SENP6: variants seen among roughly 807,000 people sequenced by gnomAD.
SENP6 encodes SUMO specific peptidase 6.
In SENP6, 41 loss-of-function variants were observed where a neutral mutation model predicts 134.5. That is an observed-to-expected ratio of 0.30 (90% CI 0.24 to 0.40). SENP6 has a LOEUF of 0.40. Among genes scored for constraint, SENP6 ranks in the 10% least tolerant of loss-of-function variants. The pLI is 1.00. For synonymous variants in SENP6, 395 were observed against 429.8 expected, an observed-to-expected ratio of 0.92 and a Z score of 1.00; for missense variants, 1,248 against 1,312.5, an observed-to-expected ratio of 0.95 and a Z score of 0.76.
chr6:75,623,933 G>T lies in SENP6; in HGVS notation c.180G>T (p.Glu60Asp). 2 of 1,608,574 alleles carry T rather than the reference G, an allele frequency of 1.2e-6. No individual in the cohort carries two copies. The highest frequency in any genetic ancestry group is 1.1e-5 in the South Asian group (1 of 90,042). The change falls in exon 3 of 24, where the codon GAG (glutamate) becomes GAT (aspartate). Residue 60 changes from glutamate (E) to aspartate (D), a missense_variant. By Grantham distance (45) the Glu-to-Asp change is conservative. Transcript: ENST00000447266. ...ATCTGCTCAGTGTGGATGAAGATGA[G>T]GATTCTGAAACCTCAAAAGGAAAAA... ...GTNLLSVDED[E>D]DSETSKGKKL... is the part of the protein sequence containing the mutation.
In SENP6 at chr6:75,703,000, C is replaced by T; in HGVS notation, c.2644C>T (p.Gln882Ter). The change falls in exon 19 of 24, where the codon CAG (glutamine) becomes TAG (stop). Residue 882 changes from glutamine (Q) to a stop codon, truncating the protein, a stop_gained. Transcript: ENST00000447266. LOFTEE classifies it high-confidence loss of function. ...ATTCAATAAAGGAGAATCTACATCC[C>T]AGAAAGTTGCTGATAGGACTAAAAG... ...EEFNKGESTSQKVADRTKSEN... is the reference protein window; with the variant it reads ...EEFNKGESTS 6.2e-7 allele frequency: 1 copy of T among 1,613,778 alleles called. No homozygotes were observed. Among genetic ancestry groups the T allele is most frequent in the Non-Finnish European group, 8.5e-7 (1 of 1,179,886 alleles).
intron 7 of SENP6, among the ~76,000 whole-genome samples, chr6:75,657,334 G>A (rs886821521): frequency 6.6e-6 from 1 of 152,034 alleles, no homozygotes; most frequent in Non-Finnish European, 1.5e-5. Context: ...AAGTAACTTA[G>A]CCTTCATAAA....
intron 7 of SENP6, among the ~76,000 whole-genome samples, chr6:75,651,544 GT>G (rs1213279942): frequency 6.6e-6 from 1 of 152,048 alleles, no homozygotes; most frequent in African/African-American, 2.4e-5. Flanking sequence ...TAGAGATAAG[GT>G]TTCACCGTGT....
At chr6:75,678,771 A>C (rs766658206) in intron 15 of SENP6, 40 bp from the exon 16 acceptor site, 14 of 1,382,508 alleles carry the variant, frequency 1.0e-5, no homozygotes, top group Non-Finnish European at 1.4e-5. Flanking sequence ...GTATATATAT[A>C]TAGATTTGTT....
rs1257728301 is a variant in SENP6 at position 75,717,017 on chromosome 6, T to C, written c.*1423T>C. The C allele has an allele frequency of 2.0e-5, 3 of 151,978 alleles. No homozygotes were observed. Among genetic ancestry groups the C allele is most frequent in the Non-Finnish European group, 2.9e-5 (2 of 67,858 alleles). 9.4% of individuals were successfully genotyped at this position (151,978 alleles called of 1,614,324 possible). A position where few individuals can be genotyped will look rare whatever the true frequency, so the allele number is the denominator to read the frequency against. ...AGTAGAGTCTCAGTAAGAGAAATAT[T>C]AAAATGTAAGAAAGGTCACCATTAG... On this transcript the variant is annotated 3_prime_UTR_variant, in exon 24 of 24. Transcript: ENST00000447266.
intron 5 of SENP6, among the ~76,000 whole-genome samples, chr6:75,639,581 A>T (rs1018640448): frequency 3.9e-5 from 6 of 152,076 alleles, no homozygotes; most frequent in Non-Finnish European, 8.8e-5. Context: ...TTCCTTTTAT[A>T]ATAAGGATAA....
intron 1 of SENP6, among the ~76,000 whole-genome samples, chr6:75,604,119 G>C (rs1218770806): frequency 6.6e-6 from 1 of 152,118 alleles, no homozygotes; most frequent in African/African-American, 2.4e-5. Context: ...GCTTCTATAG[G>C]CCCGATTGAG....
chr6:75,621,519 G>T lies in SENP6; in HGVS notation c.53-13G>T. 2 of 1,535,814 alleles carry T rather than the reference G, an allele frequency of 1.3e-6. No homozygotes were observed. On this transcript the variant is annotated splice_polypyrimidine_tract_variant and intron_variant, in intron 1 of 23. Coordinates refer to ENST00000447266, the MANE Select transcript of SENP6 (RefSeq NM_015571.4). ...TATTAATGAATACTTACTGCAGTTT[G>T]TTTTTATTTCAGCTTTGGCTAGATC...
intron 9 of SENP6, among the ~76,000 whole-genome samples, chr6:75,666,190 A>G (rs1029973800): frequency 2.1e-5 from 3 of 146,192 alleles, no homozygotes; most frequent in African/African-American, 4.9e-5. Context: ...TATGATATAT[A>G]TAAAACGTAT....
intron 5 of SENP6, among the ~76,000 whole-genome samples, chr6:75,638,242 GT>G (rs59853416): frequency 0.029 from 4,094 of 142,262 alleles, 116 homozygotes; most frequent in African/African-American, 0.07. Flanking sequence ...CTTTTCTTTT[GT>G]TTTTTTTTTT....
intron 16 of SENP6, among the ~76,000 whole-genome samples, chr6:75,683,165 T>C (rs935808970): frequency 2.0e-5 from 3 of 152,184 alleles, no homozygotes; most frequent in African/African-American, 7.2e-5. Flanking sequence ...CCAGTGGTGG[T>C]GAGCATTTTT....
chr6:75,701,571 T>C (rs1468022517), intron 18 of SENP6, among the ~76,000 whole-genome samples: 1 of 129,778 alleles, frequency 7.7e-6, no homozygotes, highest in African/African-American at 3.1e-5. Context: ...AAACTATATA[T>C]GCAATTCTTA....
intron 6 of SENP6, 25 bp from the exon 7 acceptor site, chr6:75,647,706 A>G (rs755017013): frequency 6.7e-7 from 1 of 1,503,236 alleles, no homozygotes; most frequent in Non-Finnish European, 9.3e-7. Flanking sequence ...CTGTTAGAAT[A>G]AAACTACATA....
intron 16 of SENP6, among the ~76,000 whole-genome samples, chr6:75,683,488 T>C (rs934414801): frequency 6.6e-6 from 1 of 152,224 alleles, no homozygotes; most frequent in Admixed American, 6.5e-5. Context: ...ATGACCTGAA[T>C]GGTATTGCCT....
In SENP6 at chr6:75,670,703, T is replaced by C. The variant is rs1772605705; in HGVS notation, c.1375T>C (p.Leu459=). ...SIRVGTLFRL[L]IEPVIFCLDF... is the part of the protein sequence containing the mutation. ...ACGAGTAGGAACACTCTTCCGGCTG[T>C]TAATAGAGCCTGTAATTGTAAGTAC... is the stretch of plus-strand genomic sequence containing the variant. Residue 459 remains leucine (L), a synonymous_variant, in exon 11 of 24, where the codon TTA becomes CTA. Coordinates refer to ENST00000447266, the MANE Select transcript of SENP6 (RefSeq NM_015571.4). 6.2e-7 allele frequency: 1 copy of C among 1,607,436 alleles called. No individual in the cohort carries two copies. Among genetic ancestry groups the C allele is most frequent in the Non-Finnish European group, 8.5e-7 (1 of 1,176,120 alleles).
chr6:75,666,216 GTATGA>G (rs1224070550), intron 9 of SENP6, among the ~76,000 whole-genome samples: 1 of 139,262 alleles, frequency 7.2e-6, no homozygotes, highest in East Asian at 2.1e-4. Flanking sequence ...ATATATATAA[GTATGA>G]TATATATAAA....
At chr6:75,691,123 G>A (rs1353136877) in intron 16 of SENP6, among the ~76,000 whole-genome samples, 2 of 149,752 alleles carry the variant, frequency 1.3e-5, no homozygotes, top group Non-Finnish European at 3.0e-5. Flanking sequence ...AATTACAGGC[G>A]ATTACCATTC....
chr6:75,707,447 G>A (rs1302813167), intron 19 of SENP6, among the ~76,000 whole-genome samples: 4 of 130,592 alleles, frequency 3.1e-5, no homozygotes, highest in African/African-American at 8.7e-5. Context: ...CACTGAAGCC[G>A]CTACCTCCTG....
At chr6:75,711,735 C>T (rs976700143) in intron 21 of SENP6, among the ~76,000 whole-genome samples, 5 of 152,170 alleles carry the variant, frequency 3.3e-5, no homozygotes, top group East Asian at 3.9e-4. Context: ...TGCAGTGGCA[C>T]GATCCCAGCT....
Sources: allele counts gnomAD v4.1 joint callset (sites outside exome capture counted in the v4.1 genomes callset), GRCh38; gene constraint gnomAD v4.1.1; transcripts MANE v1.5; gene names NCBI Gene and HGNC (gene_info 2026-07-23, HGNC 2026-07-21).